HABP2: variants seen among roughly 807,000 people sequenced by gnomAD.
HABP2 encodes the protein factor VII-activating protease.
HABP2 carries 65 observed loss-of-function variants against 66.5 expected under a neutral mutation model. The ratio of observed to expected loss-of-function variants is 0.98; its 90% confidence interval spans 0.80 to 1.20. HABP2 has a LOEUF of 1.20. Ranked by LOEUF, HABP2 falls within the 50% of genes most tolerant of loss-of-function variation. The pLI, the probability that HABP2 is intolerant of heterozygous loss-of-function variation, is 0.00. For missense variants in HABP2, 786 were observed against 691.0 expected (o/e 1.14, Z -1.54); for synonymous variants, 263 against 253.9 (o/e 1.04, Z -0.34).
chr10:113,551,766 A>T (rs3781392), upstream of HABP2, among the ~76,000 whole-genome samples: 5 of 152,232 alleles, frequency 3.3e-5, no homozygotes, highest in East Asian at 9.7e-4. Context: ...AGATCACGCC[A>T]CTGCACTTCA....
At chr10:113,578,480 CT>C (rs990005066) in intron 6 of HABP2, 146 bp from the exon 7 acceptor site, 6 of 647,226 alleles carry the variant, frequency 9.3e-6, no homozygotes, top group Admixed American at 2.7e-5. Context: ...ACATTCAACA[CT>C]TTTTTTTCTG....
At chr10:113,552,564 C>T (rs972626387), upstream of HABP2, among the ~76,000 whole-genome samples, 1 of 152,158 alleles carries the variant, frequency 6.6e-6, no homozygotes, top group Non-Finnish European at 1.5e-5. Flanking sequence ...CAACTGTGGG[C>T]AACACTTCAA....
intron 4 of HABP2, among the ~76,000 whole-genome samples, chr10:113,576,238 G>T (rs1203475189): frequency 6.6e-6 from 1 of 152,164 alleles, no homozygotes; most frequent in Non-Finnish European, 1.5e-5. Flanking sequence ...GGCTGAGAGG[G>T]GATAAGGGCT....
At chr10:113,566,835 CA>C (rs1845206132) in intron 1 of HABP2, among the ~76,000 whole-genome samples, 1 of 152,106 alleles carries the variant, frequency 6.6e-6, no homozygotes, top group African/African-American at 2.4e-5. Flanking sequence ...TATCTTGCGC[CA>C]TTTTGAAGCC....
chr10:113,574,261 T>G (rs1450865303), intron 2 of HABP2, 28 bp from the exon 3 acceptor site: 1 of 1,119,370 alleles, frequency 8.9e-7, no homozygotes, highest in African/African-American at 1.5e-5. Flanking sequence ...TGATTAGGAT[T>G]TCTTCTGTCC....
In HABP2 at chr10:113,566,445, T is replaced by C. The variant is rs532482843; in HGVS notation, c.70-1044T>C. Among the ~76,000 whole-genome samples the C allele has an allele frequency of 3.3e-5, 5 of 152,406 alleles. No individual in the cohort carries two copies. The South Asian group carries it at 6.2e-4, about 19-fold the overall frequency. On this transcript the variant is annotated intron_variant, in intron 1 of 12. Transcript: ENST00000351270. The stretch of plus-strand genomic sequence containing the variant: ...ATACTTTCTTTTTCAGGTTGAGTAC[T>C]GCATATTAAAGGAAATATTTATGTC...
chr10:113,577,116 C>T, intron 4 of HABP2, 34 bp from the exon 5 acceptor site: 1 of 1,193,068 alleles, frequency 8.4e-7, no homozygotes, highest in Non-Finnish European at 1.3e-6. Context: ...AAAATGTGCC[C>T]CAAATAATGT....
chr10:113,555,044 C>T (rs1305227455), intron 1 of HABP2, among the ~76,000 whole-genome samples: 2 of 152,202 alleles, frequency 1.3e-5, no homozygotes, highest in African/African-American at 2.4e-5. Flanking sequence ...TTTGGGGCGT[C>T]ATGGGGGTAA....
At chr10:113,582,632 G>A (rs1845562003) in intron 9 of HABP2, among the ~76,000 whole-genome samples, 1 of 152,198 alleles carries the variant, frequency 6.6e-6, no homozygotes, top group Non-Finnish European at 1.5e-5. Flanking sequence ...GCCCTGAATA[G>A]AGGAAAGCAT....
rs550389112 is a variant in HABP2 at position 113,587,741 on chromosome 10, T to C, written c.1519-464T>C. Among the ~76,000 whole-genome samples the C allele has an allele frequency of 7.1e-4, 108 of 152,236 alleles. 1 individual carries two copies. The South Asian group carries it at 0.022, about 30-fold the overall frequency. On this transcript the variant is annotated intron_variant, in intron 12 of 12. Coordinates refer to ENST00000351270, the MANE Select transcript of HABP2 (RefSeq NM_004132.5). Reference sequence around the variant, plus strand: ...AAGAACCCTGGGGGATGGGGATCTATTGCTATCTATGGTTTACAGTGTGAG... The same window carrying C: ...AAGAACCCTGGGGGATGGGGATCTACTGCTATCTATGGTTTACAGTGTGAG...
intron 1 of HABP2, among the ~76,000 whole-genome samples, chr10:113,554,118 T>C (rs200210946): frequency 1.5e-5 from 1 of 67,434 alleles, no homozygotes; most frequent in East Asian, 2.8e-4. Flanking sequence ...TAACCTCTCA[T>C]AGATTTGGGG....
chr10:113,558,911 A>G (rs1845049780), intron 1 of HABP2, among the ~76,000 whole-genome samples: 1 of 151,852 alleles, frequency 6.6e-6, no homozygotes, highest in Non-Finnish European at 1.5e-5. Flanking sequence ...CTGGAGTGCA[A>G]TGGCGCAATC....
chr10:113,558,142 G>A (rs539557139), intron 1 of HABP2, among the ~76,000 whole-genome samples: 5 of 152,314 alleles, frequency 3.3e-5, no homozygotes, highest in African/African-American at 1.2e-4. Context: ...CCATCTGGAC[G>A]TTCCCTCAAT....
intron 5 of HABP2, among the ~76,000 whole-genome samples, chr10:113,577,736 C>T (rs891808406): frequency 6.6e-6 from 1 of 152,210 alleles, no homozygotes; most frequent in South Asian, 2.1e-4. Context: ...CAGACAGGGC[C>T]CACCACTCCT....
At chr10:113,555,871 G>A (rs1174447203) in intron 1 of HABP2, among the ~76,000 whole-genome samples, 1 of 152,188 alleles carries the variant, frequency 6.6e-6, no homozygotes, top group East Asian at 1.9e-4. Flanking sequence ...CTGTAAATAA[G>A]GCGTGGACTG....
In HABP2 at chr10:113,566,211, A is replaced by G. The variant is rs558666126; in HGVS notation, c.70-1278A>G. On this transcript the variant is annotated intron_variant, in intron 1 of 12. Coordinates refer to ENST00000351270, the MANE Select transcript of HABP2 (RefSeq NM_004132.5). ...GGTAGAACTCGCATTTCTTTAAATC[A>G]GGGTTCAGCAAACTTTGTAAAATGT... Among the ~76,000 whole-genome samples, 3 of 152,344 alleles carry G rather than the reference A, an allele frequency of 2.0e-5. No homozygotes were observed. The East Asian group carries it at 5.8e-4, about 29-fold the overall frequency.
intron 12 of HABP2, among the ~76,000 whole-genome samples, chr10:113,587,747 T>A (rs754912903): frequency 1.3e-5 from 2 of 152,050 alleles, no homozygotes; most frequent in Admixed American, 1.3e-4. Flanking sequence ...TCTATTGCTA[T>A]CTATGGTTTA....
intron 1 of HABP2, among the ~76,000 whole-genome samples, chr10:113,562,462 T>TA (rs1302278561): frequency 8.2e-6 from 1 of 122,150 alleles, no homozygotes; most frequent in African/African-American, 2.9e-5. Flanking sequence ...TTTTTTTTTT[T>TA]AAGACAGAGT....
intron 12 of HABP2, among the ~76,000 whole-genome samples, chr10:113,587,347 A>AT (rs1564682712): frequency 1.1e-4 from 17 of 151,678 alleles, no homozygotes; most frequent in Admixed American, 9.9e-4. Flanking sequence ...ACAAAAAAAA[A>AT]CCTCATTCAA....
Sources: gnomAD v4.1 joint callset for allele counts (sites outside exome capture counted in the v4.1 genomes callset) on GRCh38, gnomAD v4.1.1 for gene constraint, MANE v1.5 for transcripts, NCBI Gene and HGNC (gene_info 2026-07-23, HGNC 2026-07-21) for gene names.